The following EEFSEC variants were observed in gnomAD, a reference collection of about 807,000 sequenced individuals.
EEFSEC encodes the protein eukaryotic elongation factor, selenocysteine-tRNA specific, also known as selenocysteine-specific elongation factor.
In EEFSEC, 43 loss-of-function variants were observed where a neutral mutation model predicts 42.1. The ratio of observed to expected loss-of-function variants is 1.02; its 90% CI spans 0.80 to 1.32. The LOEUF is 1.32. Ranked by LOEUF, EEFSEC falls within the 40% of genes most tolerant of loss-of-function variation. The pLI is 0.00. For missense variants in EEFSEC, 745 were observed against 803.6 expected (o/e 0.93, Z 0.88); for synonymous variants, 354 against 339.1 (o/e 1.04, Z -0.48).
chr3:128,242,366 C>T (rs1217883978), intron 1 of EEFSEC, among the ~76,000 whole-genome samples: 3 of 152,088 alleles, frequency 2.0e-5, no homozygotes. Flanking sequence ...CACACATTTA[C>T]CTACATAACA....
chr3:128,384,606 T>G (rs995544026), intron 6 of EEFSEC, among the ~76,000 whole-genome samples: 4 of 151,922 alleles, frequency 2.6e-5, no homozygotes, highest in Admixed American at 6.6e-5. Flanking sequence ...GGGGATGGAG[T>G]GGAGGGTACA....
chr3:128,306,072 CTT>C (rs987474959), intron 4 of EEFSEC, among the ~76,000 whole-genome samples: 3 of 152,056 alleles, frequency 2.0e-5, no homozygotes, highest in African/African-American at 7.2e-5. Flanking sequence ...TTTTTCCCCT[CTT>C]TGTTTTGTCA....
At chr3:128,300,065 C>T (rs1468259446) in intron 4 of EEFSEC, among the ~76,000 whole-genome samples, 12 of 152,176 alleles carry the variant, frequency 7.9e-5, no homozygotes, top group Non-Finnish European at 5.9e-5. Context: ...GTCAGCTCCC[C>T]GGCAGAGCAG....
intron 1 of EEFSEC, among the ~76,000 whole-genome samples, chr3:128,178,540 TCTTTCGGGGGCAGG>T (rs66877401): frequency 0.13 from 19,552 of 152,202 alleles, 1,518 homozygotes; most frequent in Admixed American, 0.2. Context: ...TAACGGTCAT[TCTTTCGGGGGCAGG>T]CAGATTGGTA....
In EEFSEC at chr3:128,258,649, AT is replaced by A. The variant is rs199975739; in HGVS notation, c.525-3477del. 7.4e-3 allele frequency among the ~76,000 whole-genome samples: 1,122 copies of A among 152,332 alleles called. 33 individuals are homozygous for A. In the East Asian group the frequency reaches 0.1, roughly 14 times the overall value. ...TTCCTACCTTAGAGGGTTGTTAAGA[AT>A]TCAATAAATTTATGTCTGCAATTTG... On this transcript the variant is annotated intron_variant, in intron 2 of 6. Coordinates refer to ENST00000254730, the MANE Select transcript of EEFSEC (RefSeq NM_021937.5).
chr3:128,217,882 A>G (rs2065825867), intron 1 of EEFSEC, among the ~76,000 whole-genome samples: 1 of 152,164 alleles, frequency 6.6e-6, no homozygotes, highest in African/African-American at 2.4e-5. Flanking sequence ...TGTGCCTGGA[A>G]CTATGCGAAC....
At position 128,231,839 on chromosome 3, in the gene EEFSEC, G is replaced by T. The variant is rs576899710; in HGVS notation, c.317-14997G>T. ...TTCTGAGATTCCAAGCCATCCTGTC[G>T]TATCTCCCCCGACTCCCCCAGCTGA... On this transcript the variant is annotated intron_variant, in intron 1 of 6. Transcript: ENST00000254730. Among the ~76,000 whole-genome samples the T allele has an allele frequency of 3.3e-5, 5 of 152,210 alleles. No homozygotes were observed. The East Asian group carries it at 9.7e-4, about 29-fold the overall frequency.
intron 1 of EEFSEC, among the ~76,000 whole-genome samples, chr3:128,192,634 C>T (rs916272029): frequency 6.6e-6 from 1 of 152,178 alleles, no homozygotes; most frequent in African/African-American, 2.4e-5. Flanking sequence ...TCCTATTTAA[C>T]TTCTTTGTCT....
At chr3:128,346,130 C>T (rs1013722911) in intron 5 of EEFSEC, among the ~76,000 whole-genome samples, 2 of 152,244 alleles carry the variant, frequency 1.3e-5, no homozygotes, top group Non-Finnish European at 2.9e-5. Context: ...GGAAGCTGGT[C>T]AGGTACCCTA....
intron 1 of EEFSEC, among the ~76,000 whole-genome samples, chr3:128,189,414 T>A (rs146196010): frequency 1.3e-5 from 2 of 152,370 alleles, no homozygotes; most frequent in East Asian, 3.9e-4. Flanking sequence ...TTTGTGGTGA[T>A]GCTGGTGTAA....
At chr3:128,160,635 C>G (rs2065174920) in intron 1 of EEFSEC, among the ~76,000 whole-genome samples, 1 of 152,152 alleles carries the variant, frequency 6.6e-6, no homozygotes. Flanking sequence ...AGATCGGGCT[C>G]TTGTTAGAGT....
chr3:128,214,864 G>A (rs943387544), intron 1 of EEFSEC, among the ~76,000 whole-genome samples: 27 of 152,328 alleles, frequency 1.8e-4, no homozygotes, highest in African/African-American at 6.0e-4. Flanking sequence ...TTACAGCTGC[G>A]ATCTGGTGTT....
intron 4 of EEFSEC, among the ~76,000 whole-genome samples, chr3:128,301,777 G>A (rs2066771484): frequency 6.6e-6 from 1 of 152,164 alleles, no homozygotes; most frequent in African/African-American, 2.4e-5. Context: ...AGAGACTGGT[G>A]TGCAGAAGGG....
rs1251572479 is a variant in EEFSEC, at chr3:128,341,536, C to T, written c.1090C>T (p.Leu364=). 1.9e-6 allele frequency: 3 copies of T among 1,613,978 alleles called. No individual in the cohort carries two copies. The highest frequency in any genetic ancestry group is 1.7e-6 in the Non-Finnish European group (2 of 1,180,058). The change falls in exon 5 of 7, where the codon CTG becomes TTG. Residue 364 remains leucine, a synonymous_variant. Transcript: ENST00000254730. ...AGATAACTTTGACCAGGAGCCTATA[C>T]TGGACTCTTTCAACTTCTCTCAAGA... is the stretch of plus-strand genomic sequence containing the variant. ...APDNFDQEPI[L]DSFNFSQEYL... is the part of the protein sequence containing the mutation.
intron 1 of EEFSEC, among the ~76,000 whole-genome samples, chr3:128,239,671 A>G (rs570342981): frequency 1.3e-5 from 2 of 152,342 alleles, no homozygotes; most frequent in Non-Finnish European, 2.9e-5. Context: ...TCTCCTCTAC[A>G]GGAACCTGAG....
intron 2 of EEFSEC, among the ~76,000 whole-genome samples, chr3:128,252,904 G>C (rs1026298185): frequency 6.6e-6 from 1 of 152,100 alleles, no homozygotes; most frequent in Non-Finnish European, 1.5e-5. Flanking sequence ...GCTCCTGCCC[G>C]CACTACAGAG....
intron 1 of EEFSEC, among the ~76,000 whole-genome samples, chr3:128,188,455 T>G (rs1473792393): frequency 6.6e-6 from 1 of 152,142 alleles, no homozygotes; most frequent in African/African-American, 2.4e-5. Flanking sequence ...GCCAATCAGG[T>G]GCAGCTTTTG....
At chr3:128,316,739 CGGTG>C (rs993367336) in intron 4 of EEFSEC, among the ~76,000 whole-genome samples, 1 of 152,176 alleles carries the variant, frequency 6.6e-6, no homozygotes, top group Admixed American at 6.5e-5. Flanking sequence ...CCGCCCAGCT[CGGTG>C]CCGCCAGCAC....
the EEFSEC span, among the ~76,000 whole-genome samples, chr3:128,417,985 G>A: frequency 6.6e-6 from 1 of 152,122 alleles, no homozygotes; most frequent in East Asian, 1.9e-4. The surrounding 1 kb of genome is among the most constrained non-coding windows in gnomAD (Gnocchi z 4.3). Flanking sequence ...CCACCCTATG[G>A]CCCCAGGGGC....
Sources: gnomAD v4.1 joint callset for allele counts (sites outside exome capture counted in the v4.1 genomes callset) on GRCh38, gnomAD v4.1.1 for gene constraint, Gnocchi (gnomAD v3.1) non-coding constraint, MANE v1.5 for transcripts, NCBI Gene and HGNC (gene_info 2026-07-23, HGNC 2026-07-21) for gene names.